The following CCDC90B variants were observed in gnomAD, a reference collection of about 807,000 sequenced individuals.
The protein encoded by CCDC90B is coiled-coil domain containing 90B.
A neutral mutation model predicts 37.0 loss-of-function variants in CCDC90B; 24 were observed. The observed-to-expected ratio is 0.65, with a 90% CI of 0.47 to 0.91. CCDC90B has a LOEUF of 0.91. CCDC90B is among the 40% of genes least tolerant of loss of function. The pLI is 0.00. For synonymous variants in CCDC90B, 113 were observed against 101.1 expected (o/e 1.12, Z -0.71); for missense variants, 319 against 299.0 (o/e 1.07, Z -0.49).
chr11:83,284,483 C>T (rs1419621025), intron 1 of CCDC90B, among the ~76,000 whole-genome samples: 1 of 152,236 alleles, frequency 6.6e-6, no homozygotes, highest in Non-Finnish European at 1.5e-5. Context: ...TATATTCTTA[C>T]ATGCTGGTCT....
chr11:83,264,436 T>C lies in CCDC90B; in HGVS notation c.709+1429A>G, dbSNP rs190609149. Among the ~76,000 whole-genome samples, 144 of 152,302 alleles carry C rather than the reference T, an allele frequency of 9.5e-4. 1 individual carries two copies. Among genetic ancestry groups the C allele is most frequent in the South Asian group, 7.7e-3 (37 of 4,820 alleles). ...AATACACACGGGGAGGGGCTTTCAC[T>C]TTTTCGGCTTTTGAATTCTATGAAT... On this transcript the variant is annotated intron_variant, in intron 8 of 8. Coordinates refer to ENST00000529689, the MANE Select transcript of CCDC90B (RefSeq NM_021825.5).
chr11:83,285,953 C>A lies in CCDC90B; in HGVS notation c.20G>T (p.Trp7Leu). 6.2e-7 allele frequency: 1 copy of A among 1,612,404 alleles called. No individual in the cohort carries two copies. The highest frequency in any genetic ancestry group is 8.5e-7 in the Non-Finnish European group (1 of 1,179,332). Residue 7 changes from tryptophan to leucine, a missense_variant, in exon 1 of 9, where the codon TGG (tryptophan) becomes TTG (leucine). Physicochemically the swap from Trp to Leu is moderately conservative, Grantham distance 61 (BLOSUM62 -2). Transcript: ENST00000529689. ...TCTGCCTTGGGAGAGAAAGAGCCGC[C>A]AAGCCTGGCGACTATTCATGTCCTC... is the stretch of plus-strand genomic sequence containing the variant. MNSRQA[W>L]RLFLSQGRGD...
chr11:83,277,413 T>C (rs553335613), intron 3 of CCDC90B, among the ~76,000 whole-genome samples: 1 of 152,250 alleles, frequency 6.6e-6, no homozygotes, highest in Admixed American at 6.6e-5. Flanking sequence ...AATGTAGGGA[T>C]TGAATGTTTC....
rs61747435 is a variant in CCDC90B, at chr11:83,280,221, C to T, written c.140G>A (p.Arg47Gln). The T allele has an allele frequency of 5.9e-3, 9,521 of 1,612,888 alleles. 39 individuals carry two copies. The highest frequency in any genetic ancestry group is 7.1e-3 in the Non-Finnish European group (8,363 of 1,179,328). The change falls in exon 2 of 9, where the codon CGG (arginine) becomes CAG (glutamine). Residue 47 changes from arginine to glutamine, a missense_variant. Physicochemically the swap from Arg to Gln is conservative, Grantham distance 43. Transcript: ENST00000529689. ...TTCTAAAGGAGTTATATCCACTGGC[C>T]GCCTATCATATCCCTCCTTGGTTGT... Reference protein sequence around the residue: ...TTTTKEGYDRRPVDITPLEQR... With the variant: ...TTTTKEGYDRQPVDITPLEQR...
At position 83,273,696 on chromosome 11, in the gene CCDC90B, G is replaced by C. The variant is rs1262516702; in HGVS notation, c.545C>G (p.Thr182Arg). The C allele has an allele frequency of 3.1e-6, 5 of 1,603,188 alleles. No homozygotes were observed. Among genetic ancestry groups the C allele is most frequent in the Non-Finnish European group, 4.2e-6 (5 of 1,176,792 alleles). ...TTCCATAAGTTGCTTTTCTTGATCT[G>C]TAAACTATAGGATATGAAGCAGCAG... ...LERSRVTDMF[T>R]DQEKQLMETT... The change falls in exon 7 of 9, where the codon ACA (threonine) becomes AGA (arginine). Residue 182 changes from threonine (T) to arginine (R), a missense_variant. By Grantham distance (71) the Thr-to-Arg change is moderately conservative. Coordinates refer to ENST00000529689, the MANE Select transcript of CCDC90B (RefSeq NM_021825.5).
rs562366671 is a variant in CCDC90B, at chr11:83,274,827, T to C, written c.325-87A>G. ...TTGTTTTCATGAAATTTAAATGAAT[T>C]TGTTAACATGCTACAAGGTATAATG... On this transcript the variant is annotated intron_variant, in intron 3 of 8. Transcript: ENST00000529689. 187 of 804,102 alleles carry C rather than the reference T, an allele frequency of 2.3e-4. 1 individual carries two copies. The East Asian group carries it at 5.2e-3, about 23-fold the overall frequency. 49.8% of individuals were successfully genotyped at this position (804,102 alleles called of 1,614,324 possible).
chr11:83,271,578 C>A (rs961243469), intron 7 of CCDC90B, among the ~76,000 whole-genome samples: 3 of 152,180 alleles, frequency 2.0e-5, no homozygotes, highest in Non-Finnish European at 4.4e-5. Flanking sequence ...CCATCTCACA[C>A]CAGTTGGAAT....
At position 83,286,093 on chromosome 11, in the gene CCDC90B, A is replaced by C. The variant is rs1192178119; in HGVS notation, c.-121T>G. On this transcript the variant is annotated 5_prime_UTR_variant, in exon 1 of 9. Coordinates refer to ENST00000529689, the MANE Select transcript of CCDC90B (RefSeq NM_021825.5). ...GAATTGTAGTTTTCGCTCTGTCACA[A>C]GCTCACCTCCCAGCGCAGGCGCCAC... The C allele has an allele frequency of 2.6e-6, 4 of 1,537,266 alleles. No homozygotes were observed. The East Asian group carries it at 9.8e-5, about 38-fold the overall frequency.
intron 7 of CCDC90B, among the ~76,000 whole-genome samples, chr11:83,272,739 C>G (rs1864757528): frequency 1.3e-5 from 2 of 152,164 alleles, no homozygotes; most frequent in South Asian, 4.1e-4. Flanking sequence ...ACCTTCTCTT[C>G]TATTAAATTA....
chr11:83,278,681 A>G (rs1176317340), intron 3 of CCDC90B, 45 bp downstream of exon 3: 2 of 1,233,640 alleles, frequency 1.6e-6, no homozygotes, highest in East Asian at 2.3e-5. Flanking sequence ...TTATGAAATG[A>G]TTGTCTAATG....
intron 3 of CCDC90B, among the ~76,000 whole-genome samples, chr11:83,276,854 C>A (rs1456681048): frequency 1.3e-5 from 2 of 152,090 alleles, no homozygotes; most frequent in African/African-American, 4.8e-5. Flanking sequence ...ATCAAAATCA[C>A]AATATAATCA....
chr11:83,268,905 A>C (rs1042370873), intron 7 of CCDC90B, among the ~76,000 whole-genome samples: 5 of 152,210 alleles, frequency 3.3e-5, no homozygotes, highest in African/African-American at 1.2e-4. Flanking sequence ...AGAAATCACA[A>C]CAAACTGTCT....
rs1865692339 is a variant in CCDC90B, at chr11:83,286,310, C to T, written c.-338G>A. 2 of 943,328 alleles carry T rather than the reference C, an allele frequency of 2.1e-6. No homozygotes were observed. The highest frequency in any genetic ancestry group is 1.7e-5 in the African/African-American group (1 of 60,478). The allele number at this position is 943,328 out of a possible 1,614,324, so 58.4% of individuals were successfully genotyped here. On this transcript the variant is annotated 5_prime_UTR_variant, in exon 1 of 9. Coordinates refer to ENST00000529689, the MANE Select transcript of CCDC90B (RefSeq NM_021825.5). ...GTGGGGCATAGTCCAACAGCTGGCT[C>T]CCCCAAGATAGCCAGCGGCCATTAC...
At chr11:83,265,046 C>T (rs914970920) in intron 8 of CCDC90B, among the ~76,000 whole-genome samples, 3 of 151,860 alleles carry the variant, frequency 2.0e-5, no homozygotes, top group African/African-American at 7.3e-5. Flanking sequence ...CAGCATGGCA[C>T]ATGTATACAT....
chr11:83,270,527 A>G (rs1034748068), intron 7 of CCDC90B, among the ~76,000 whole-genome samples: 1 of 152,250 alleles, frequency 6.6e-6, no homozygotes, highest in African/African-American at 2.4e-5. Context: ...GAGTCAAATC[A>G]TGAGTGAACT....
Position 83,260,752 on chromosome 11 carries a change from G to A in CCDC90B, c.*1159C>T, listed in dbSNP as rs1161891860. On this transcript the variant is annotated 3_prime_UTR_variant, in exon 9 of 9. Transcript: ENST00000529689. ...AAGACTGAAGAACTAAGATGAAAAG[G>A]ATATTTTAAAATTTCTTTGAAATTA... The A allele has an allele frequency of 6.6e-6, 1 of 152,060 alleles. No homozygotes were observed. The highest frequency in any genetic ancestry group is 1.5e-5 in the Non-Finnish European group (1 of 67,988). The allele number at this position is 152,060 out of a possible 1,614,324, so 9.4% of individuals were successfully genotyped here.
chr11:83,285,936 G>C lies in CCDC90B; in HGVS notation c.37C>G (p.Gln13Glu). 1 of 1,613,238 alleles carries C rather than the reference G, an allele frequency of 6.2e-7. No homozygotes were observed. The highest frequency in any genetic ancestry group is 8.5e-7 in the Non-Finnish European group (1 of 1,179,762). ...GAAACCCAACGATCTCCTCTGCCTT[G>C]GGAGAGAAAGAGCCGCCAAGCCTGG... Reference protein sequence around the residue: ...SRQAWRLFLSQGRGDRWVSRP... With the variant: ...SRQAWRLFLSEGRGDRWVSRP... The change falls in exon 1 of 9, where the codon CAA becomes GAA. Residue 13 changes from glutamine to glutamate, a missense_variant. By Grantham distance (29) the Gln-to-Glu change is conservative (BLOSUM62 2). Coordinates refer to ENST00000529689, the MANE Select transcript of CCDC90B (RefSeq NM_021825.5).
intron 4 of CCDC90B, 161 bp downstream of exon 4, chr11:83,274,478 A>G (rs150120412): frequency 1.2e-4 from 57 of 463,336 alleles, no homozygotes; most frequent in African/African-American, 1.1e-3. Flanking sequence ...ATATAGAAAA[A>G]GATTAGGTAT....
At chr11:83,282,927 T>G (rs914204296) in intron 1 of CCDC90B, among the ~76,000 whole-genome samples, 4 of 152,260 alleles carry the variant, frequency 2.6e-5, no homozygotes, top group Admixed American at 2.0e-4. Context: ...TTTTATTCAT[T>G]AGAACTAGAT....
Sources: allele counts gnomAD v4.1 joint callset (sites outside exome capture counted in the v4.1 genomes callset), GRCh38; gene constraint gnomAD v4.1.1; transcripts MANE v1.5; gene names NCBI Gene and HGNC (gene_info 2026-07-23, HGNC 2026-07-21).